Variants in NQO1 observed in about 807,000 individuals in gnomAD.
The protein encoded by NQO1 is NAD(P)H quinone dehydrogenase 1.
A neutral mutation model predicts 32.1 loss-of-function variants in NQO1; 30 were observed. The observed-to-expected ratio is 0.94, with a 90% CI of 0.70 to 1.27. The LOEUF (loss-of-function observed/expected upper bound fraction) is 1.27, where lower values mean the gene tolerates loss of function less well. Ranked by LOEUF, NQO1 falls within the 50% of genes most tolerant of loss-of-function variation. The pLI is 0.00. For missense variants in NQO1, 276 were observed against 331.3 expected (o/e 0.83, Z 1.30); for synonymous variants, 109 against 119.7 (o/e 0.91, Z 0.59).
intron 4 of NQO1, among the ~76,000 whole-genome samples, chr16:69,714,704 AC>A (rs1168391987): frequency 2.7e-5 from 4 of 147,564 alleles, no homozygotes; most frequent in African/African-American, 2.5e-5. Context: ...ACATGGAGAA[AC>A]CCCGTCTCTA....
chr16:69,720,282 T>A (rs1372734923), intron 1 of NQO1, among the ~76,000 whole-genome samples: 1 of 151,566 alleles, frequency 6.6e-6, no homozygotes, highest in African/African-American at 2.4e-5. Context: ...TTTTAAAAAT[T>A]AAAAAAATTA....
chr16:69,726,541 A>G lies in NQO1; in HGVS notation c.-102T>C. 6.6e-7 allele frequency: 1 copy of G among 1,516,150 alleles called. No individual in the cohort carries two copies. The allele number at this position is 1,516,150 out of a possible 1,614,324, so 93.9% of individuals were successfully genotyped here. The stretch of plus-strand genomic sequence containing the variant: ...GGTGAGCTGGGCGGCTCCGGCTGCA[A>G]CCTTGTGGGAGTCGCGTGTGTAGTG... On this transcript the variant is annotated 5_prime_UTR_variant, in exon 1 of 6. Transcript: ENST00000320623.
chr16:69,723,779 G>A (rs1026206578), intron 1 of NQO1, among the ~76,000 whole-genome samples: 10 of 152,258 alleles, frequency 6.6e-5, no homozygotes, highest in South Asian at 2.1e-4. Context: ...TCCAGCCTGC[G>A]CAACAGAGCA....
Position 69,726,547 on chromosome 16 carries a change from T to C in NQO1, c.-108A>G, listed in dbSNP as rs2151748948. ...CTGGGCGGCTCCGGCTGCAACCTTG[T>C]GGGAGTCGCGTGTGTAGTGCACGGT... On this transcript the variant is annotated 5_prime_UTR_variant, in exon 1 of 6. Transcript: ENST00000320623. 3 of 1,489,988 alleles carry C rather than the reference T, an allele frequency of 2.0e-6. No individual in the cohort carries two copies. The highest frequency in any genetic ancestry group is 2.4e-5 in the South Asian group (2 of 84,712). The allele number at this position is 1,489,988 out of a possible 1,614,324, so 92.3% of individuals were successfully genotyped here. A position where few individuals can be genotyped will look rare whatever the true frequency, so the allele number is the denominator to read the frequency against.
Position 69,710,711 on chromosome 16 carries a change from T to G in NQO1, c.*265A>C. The G allele has an allele frequency of 2.4e-6, 1 of 417,390 alleles. No homozygotes were observed. The allele number at this position is 417,390 out of a possible 1,614,324, so 25.9% of individuals were successfully genotyped here. Reference sequence around the variant, plus strand: ...AGAGGAATTAAATTGTGTAGATGCCTTTAAAGAACATTTTTCTAGCATCTT... The same window carrying G: ...AGAGGAATTAAATTGTGTAGATGCCGTTAAAGAACATTTTTCTAGCATCTT... On this transcript the variant is annotated 3_prime_UTR_variant, in exon 6 of 6. Coordinates refer to ENST00000320623, the MANE Select transcript of NQO1 (RefSeq NM_000903.3).
chr16:69,717,477 C>T (rs903457901), intron 3 of NQO1, among the ~76,000 whole-genome samples: 4 of 149,108 alleles, frequency 2.7e-5, no homozygotes, highest in Non-Finnish European at 6.0e-5. Flanking sequence ...ACAGGAATCG[C>T]TAACCGCAGG....
rs1200777862 is a variant in NQO1 at position 69,709,884 on chromosome 16, A to T, written c.*1092T>A. The T allele has an allele frequency of 5.0e-6, 2 of 398,438 alleles. No homozygotes were observed. Among genetic ancestry groups the T allele is most frequent in the African/African-American group, 4.1e-5 (2 of 48,620 alleles). The allele number at this position is 398,438 out of a possible 1,614,324, so 24.7% of individuals were successfully genotyped here. ...TAAGTCATCAGTTTAGCAATGATAA[A>T]GAAAATAACCTTCTGAAAATTTGTA... On this transcript the variant is annotated 3_prime_UTR_variant, in exon 6 of 6. Transcript: ENST00000320623.
At chr16:69,713,278 A>ATAAT in intron 4 of NQO1, 149 bp from the exon 5 acceptor site, 1 of 638,434 alleles carries the variant, frequency 1.6e-6, no homozygotes, top group South Asian at 1.9e-5. Flanking sequence ...CCTGAGCTAC[A>ATAAT]TAATATGACT....
chr16:69,712,978 G>C (rs1234239313), intron 5 of NQO1, 50 bp downstream of exon 5: 1 of 1,425,816 alleles, frequency 7.0e-7, no homozygotes, highest in South Asian at 1.2e-5. Context: ...AGATGACAGA[G>C]TGAGACTCCG....
Position 69,726,507 on chromosome 16 carries a change from T to C in NQO1, c.-68A>G. 6.3e-7 allele frequency: 1 copy of C among 1,589,340 alleles called. No individual in the cohort carries two copies. The highest frequency in any genetic ancestry group is 8.5e-7 in the Non-Finnish European group (1 of 1,173,676). On this transcript the variant is annotated 5_prime_UTR_variant, in exon 1 of 6. Coordinates refer to ENST00000320623, the MANE Select transcript of NQO1 (RefSeq NM_000903.3). ...TTGCCGGGGCGACCCTGGCCGGAAC[T>C]AGGCTCTCGGTGAGCTGGGCGGCTC... is the stretch of plus-strand genomic sequence containing the variant.
intron 3 of NQO1, among the ~76,000 whole-genome samples, chr16:69,717,310 C>T (rs554928971): frequency 6.6e-6 from 1 of 152,290 alleles, no homozygotes; most frequent in Non-Finnish European, 1.5e-5. Context: ...GAAGAAAGGC[C>T]GTGGTTTGCT....
intron 5 of NQO1, 37 bp from the exon 6 acceptor site, chr16:69,711,318 A>G (rs1377193227): frequency 6.4e-7 from 1 of 1,556,246 alleles, no homozygotes; most frequent in African/African-American, 1.4e-5. Flanking sequence ...TAAGTCAACC[A>G]ATTCCATGCA....
In NQO1 at chr16:69,716,192, A is replaced by AATC. The variant is rs776862080; in HGVS notation, c.304-1118_304-1116dup. The stretch of plus-strand genomic sequence containing the variant: ...AAATAATAATAATAATAATAATAAT[A>AATC]ATCATCATCATCATCAACGTGGCTA... On this transcript the variant is annotated intron_variant, in intron 3 of 5. Coordinates refer to ENST00000320623, the MANE Select transcript of NQO1 (RefSeq NM_000903.3). Among the ~76,000 whole-genome samples, 665 of 144,160 alleles carry AATC rather than the reference A, an allele frequency of 4.6e-3. 5 individuals carry two copies. The highest frequency in any genetic ancestry group is 0.013 in the African/African-American group (516 of 38,282). 94.6% of individuals were successfully genotyped at this position (144,160 alleles called of 152,430 possible).
At chr16:69,711,354 G>A in intron 5 of NQO1, 73 bp from the exon 6 acceptor site, 1 of 1,355,362 alleles carries the variant, frequency 7.4e-7, no homozygotes, top group Non-Finnish European at 1.0e-6. Flanking sequence ...ACAGAAGTTG[G>A]TCTGGGCTTC....
chr16:69,718,891 T>G (rs905616876), intron 1 of NQO1, among the ~76,000 whole-genome samples: 1 of 151,828 alleles, frequency 6.6e-6, no homozygotes, highest in African/African-American at 2.4e-5. Flanking sequence ...AAAAATTAGC[T>G]GGGTGTGGTG....
chr16:69,713,019 A>G lies in NQO1; in HGVS notation c.519+9T>C, dbSNP rs1261221420. The G allele has an allele frequency of 6.2e-7, 1 of 1,607,266 alleles. No homozygotes were observed. The highest frequency in any genetic ancestry group is 1.3e-5 in the African/African-American group (1 of 74,594). On this transcript the variant is annotated intron_variant, in intron 5 of 5. Transcript: ENST00000320623. ...AAGAAAAAAAAGAAAAGAAAAGAAAATGAGGTACCTGAATTGGCCAGAGAA... is the reference window on the plus strand; with the variant it reads ...AAGAAAAAAAAGAAAAGAAAAGAAAGTGAGGTACCTGAATTGGCCAGAGAA...
intron 2 of NQO1, 32 bp from the exon 3 acceptor site, chr16:69,718,285 G>A (rs1471192424): frequency 1.2e-6 from 2 of 1,613,552 alleles, no homozygotes; most frequent in Non-Finnish European, 1.7e-6. Context: ...GCTGGGGCCA[G>A]AGGGGCCAAA....
intron 1 of NQO1, among the ~76,000 whole-genome samples, chr16:69,721,831 C>T (rs892582283): frequency 1.0e-5 from 1 of 97,136 alleles, no homozygotes; most frequent in African/African-American, 4.0e-5. Flanking sequence ...CCGTTTCTAC[C>T]AAAAAAAAAA....
Position 69,710,734 on chromosome 16 carries a change from C to A in NQO1, c.*242G>T. ...CCTTTAAAGAACATTTTTCTAGCAT[C>A]TTTCTACATCTTTCCCTAAGTGGCC... On this transcript the variant is annotated 3_prime_UTR_variant, in exon 6 of 6. Coordinates refer to ENST00000320623, the MANE Select transcript of NQO1 (RefSeq NM_000903.3). 3 of 456,566 alleles carry A rather than the reference C, an allele frequency of 6.6e-6. No individual in the cohort carries two copies. The highest frequency in any genetic ancestry group is 3.6e-5 in the East Asian group (1 of 28,002). 28.3% of individuals were successfully genotyped at this position (456,566 alleles called of 1,614,324 possible). A position where few individuals can be genotyped will look rare whatever the true frequency, so the allele number is the denominator to read the frequency against.
Sources: allele counts gnomAD v4.1 joint callset (sites outside exome capture counted in the v4.1 genomes callset), GRCh38; gene constraint gnomAD v4.1.1; transcripts MANE v1.5; gene names NCBI Gene and HGNC (gene_info 2026-07-23, HGNC 2026-07-21).